The following GRM1 variants were observed in gnomAD, a reference collection of about 807,000 sequenced individuals.
GRM1 encodes glutamate metabotropic receptor 1.
GRM1 carries 33 observed loss-of-function variants against 90.9 expected under a neutral mutation model. The observed-to-expected ratio is 0.36, with a 90% CI of 0.28 to 0.49. The LOEUF (loss-of-function observed/expected upper bound fraction) is 0.49, where lower values mean the gene tolerates loss of function less well. Ranked by LOEUF, GRM1 falls within the 20% of genes least tolerant of loss-of-function variation. The pLI, the probability that GRM1 is intolerant of heterozygous loss-of-function variation, is 0.99. For missense variants in GRM1, 1,190 were observed against 1,534.3 expected (o/e 0.78, Z 3.75); for synonymous variants, 700 against 613.2 (o/e 1.14, Z -2.09).
At chr6:146,055,540 A>G (rs573014295) in intron 1 of GRM1, among the ~76,000 whole-genome samples, 2 of 152,238 alleles carry the variant, frequency 1.3e-5, no homozygotes, top group Admixed American at 1.3e-4. Context: ...TTTTATAGAT[A>G]TCAACTCTTG....
intron 1 of GRM1, among the ~76,000 whole-genome samples, chr6:146,105,917 T>C (rs910399169): frequency 6.6e-6 from 1 of 152,176 alleles, no homozygotes; most frequent in Non-Finnish European, 1.5e-5. Flanking sequence ...TAACTAAAGC[T>C]TGGGTCTCTC....
At chr6:146,210,781 A>G (rs1328694743) in intron 2 of GRM1, among the ~76,000 whole-genome samples, 1 of 152,162 alleles carries the variant, frequency 6.6e-6, no homozygotes, top group Non-Finnish European at 1.5e-5. Flanking sequence ...CTCCAAAATA[A>G]GGGAGACTAA....
intron 1 of GRM1, among the ~76,000 whole-genome samples, chr6:146,045,376 G>A (rs996690376): frequency 2.0e-5 from 3 of 151,966 alleles, no homozygotes; most frequent in Non-Finnish European, 2.9e-5. Flanking sequence ...AAAAGTATCT[G>A]TCCTGGTGGA....
At chr6:146,421,921 A>G (rs1004086123) in intron 7 of GRM1, among the ~76,000 whole-genome samples, 1 of 152,206 alleles carries the variant, frequency 6.6e-6, no homozygotes, top group Non-Finnish European at 1.5e-5. Context: ...TTCAAAAAAC[A>G]GGCAAAAATG....
intron 3 of GRM1, 54 bp downstream of exon 3, chr6:146,304,900 T>A: frequency 8.3e-7 from 1 of 1,200,550 alleles, no homozygotes. Context: ...TCTTCTAGAT[T>A]TATTGCAACT....
At chr6:146,180,781 T>C (rs553272577) in intron 2 of GRM1, among the ~76,000 whole-genome samples, 1 of 152,220 alleles carries the variant, frequency 6.6e-6, no homozygotes, top group African/African-American at 2.4e-5. Context: ...CTGGTTTTAC[T>C]TTTAACACAC....
intron 2 of GRM1, among the ~76,000 whole-genome samples, chr6:146,254,730 C>T (rs1208371321): frequency 6.6e-6 from 1 of 152,180 alleles, no homozygotes; most frequent in African/African-American, 2.4e-5. Flanking sequence ...GAATGGTTTA[C>T]AATCTACAGG....
At chr6:146,043,796 T>TATATATATATATATATATATATAG (rs1554260527) in intron 1 of GRM1, among the ~76,000 whole-genome samples, 185 of 137,912 alleles carry the variant, frequency 1.3e-3, no homozygotes, top group African/African-American at 4.4e-3. Context: ...TATATATATA[T>TATATATATATATATATATATATAG]ATATATATAT....
chr6:146,029,444 G>C lies in GRM1; in HGVS notation c.-74G>C. 1 of 1,202,790 alleles carries C rather than the reference G, an allele frequency of 8.3e-7. No individual in the cohort carries two copies. The highest frequency in any genetic ancestry group is 1.2e-6 in the Non-Finnish European group (1 of 806,412). 74.5% of individuals were successfully genotyped at this position (1,202,790 alleles called of 1,614,324 possible). On this transcript the variant is annotated 5_prime_UTR_variant, in exon 1 of 8. Transcript: ENST00000282753. ...AGAGGCGGCGCTGGGCGTCTTGGGG[G>C]TGCGCGCCGGGAGCCTGCAGCGGGA... is the stretch of plus-strand genomic sequence containing the variant.
chr6:146,407,073 C>T (rs939124373), intron 7 of GRM1, among the ~76,000 whole-genome samples: 5 of 152,132 alleles, frequency 3.3e-5, no homozygotes, highest in African/African-American at 1.2e-4. Context: ...AAAATCAGGC[C>T]AGAATGTTCT....
intron 6 of GRM1, among the ~76,000 whole-genome samples, chr6:146,392,596 T>C (rs535868899): frequency 6.6e-6 from 1 of 152,318 alleles, no homozygotes; most frequent in African/African-American, 2.4e-5. Context: ...GCAGATTTGT[T>C]ACATAGGTAT....
At chr6:146,353,245 T>A (rs1201934167) in intron 4 of GRM1, among the ~76,000 whole-genome samples, 2 of 152,154 alleles carry the variant, frequency 1.3e-5, no homozygotes, top group Non-Finnish European at 2.9e-5. Context: ...AACAGTTTCT[T>A]AGGAAAGGCA....
chr6:146,289,206 A>G (rs2114878540), intron 2 of GRM1, among the ~76,000 whole-genome samples: 1 of 152,292 alleles, frequency 6.6e-6, no homozygotes. Flanking sequence ...TGACAGCTCC[A>G]TGTGTGTTAA....
Position 146,357,665 on chromosome 6 carries a change from A to C in GRM1, c.1573A>C (p.Ser525Arg). 6.2e-7 allele frequency: 1 copy of C among 1,614,098 alleles called. No homozygotes were observed. The highest frequency in any genetic ancestry group is 8.5e-7 in the Non-Finnish European group (1 of 1,179,954). ...NKSGVVRSVC[S>R]EPCLKGQIKV... The stretch of plus-strand genomic sequence containing the variant: ...GAGTGGAGTGGTGCGGTCTGTGTGC[A>C]GTGAGCCTTGCTTAAAGGGCCAGAT... Residue 525 changes from serine (S) to arginine (R), a missense_variant, in exon 5 of 8, where the codon AGT becomes CGT. Transcript: ENST00000282753.
At chr6:146,071,393 T>C (rs1776013191) in intron 1 of GRM1, among the ~76,000 whole-genome samples, 1 of 152,174 alleles carries the variant, frequency 6.6e-6, no homozygotes, top group African/African-American at 2.4e-5. Flanking sequence ...GATAGAAATC[T>C]AAGCTAGAAA....
intron 2 of GRM1, among the ~76,000 whole-genome samples, chr6:146,253,035 G>A (rs1781353985): frequency 6.6e-6 from 1 of 151,394 alleles, no homozygotes; most frequent in African/African-American, 2.5e-5. Flanking sequence ...GCTCCAGCCT[G>A]GTGACAGAGC....
At chr6:146,204,016 T>C (rs938350202) in intron 2 of GRM1, among the ~76,000 whole-genome samples, 11 of 152,198 alleles carry the variant, frequency 7.2e-5, no homozygotes, top group Non-Finnish European at 1.3e-4. Flanking sequence ...CACATGTAGA[T>C]TGTGTTATTT....
chr6:146,146,475 G>A (rs1442095166), intron 1 of GRM1, among the ~76,000 whole-genome samples: 1 of 152,014 alleles, frequency 6.6e-6, no homozygotes, highest in African/African-American at 2.4e-5. Context: ...TGTTGGTGTT[G>A]GAATGAATTA....
chr6:146,093,934 T>A (rs1040078708), intron 1 of GRM1, among the ~76,000 whole-genome samples: 1 of 152,116 alleles, frequency 6.6e-6, no homozygotes, highest in Non-Finnish European at 1.5e-5. Flanking sequence ...AGAGTTCATA[T>A]CATATCAGGC....
Sources: allele counts gnomAD v4.1 joint callset (sites outside exome capture counted in the v4.1 genomes callset), GRCh38; gene constraint gnomAD v4.1.1; transcripts MANE v1.5; gene names NCBI Gene and HGNC (gene_info 2026-07-23, HGNC 2026-07-21).